Variants in WIPF1 observed in about 807,000 individuals in gnomAD.
The protein encoded by WIPF1 is WAS/WASL-interacting protein family member 1.
WIPF1 carries 13 observed loss-of-function variants against 35.4 expected under a neutral mutation model. The observed-to-expected ratio is 0.37, with a 90% CI of 0.24 to 0.58. WIPF1 has a LOEUF of 0.58. Among genes scored for constraint, WIPF1 ranks in the 20% least tolerant of loss-of-function variants. WIPF1 has a pLI of 0.74. For synonymous variants in WIPF1, 267 were observed against 266.3 expected, an observed-to-expected ratio of 1.00 and a Z score of -0.02; for missense variants, 591 against 667.0, an observed-to-expected ratio of 0.89 and a Z score of 1.25.
chr2:174,646,740 A>G (rs1687417381), intron 1 of WIPF1, among the ~76,000 whole-genome samples: 1 of 151,974 alleles, frequency 6.6e-6, no homozygotes. Flanking sequence ...CAGCCTCCTG[A>G]GTAGCTGGGA....
chr2:174,658,802 T>C (rs533105635), intron 1 of WIPF1, among the ~76,000 whole-genome samples: 38 of 151,722 alleles, frequency 2.5e-4, no homozygotes, highest in African/African-American at 8.2e-4. Context: ...AAGCCTTGTT[T>C]CTGCTTGAAA....
intron 1 of WIPF1, among the ~76,000 whole-genome samples, chr2:174,631,184 T>C (rs951307224): frequency 3.9e-5 from 6 of 152,160 alleles, no homozygotes; most frequent in Admixed American, 1.3e-4. Context: ...CATAGCAGCA[T>C]TAGTCACAAC....
intron 1 of WIPF1, among the ~76,000 whole-genome samples, chr2:174,627,591 A>T (rs1465570683): frequency 1.4e-5 from 2 of 141,558 alleles, no homozygotes; most frequent in African/African-American, 5.3e-5. Context: ...CCCAGGCTGG[A>T]GTGCAGTGGT....
chr2:174,670,552 G>A (rs898133596), intron 1 of WIPF1, among the ~76,000 whole-genome samples: 1 of 152,216 alleles, frequency 6.6e-6, no homozygotes, highest in Non-Finnish European at 1.5e-5. Flanking sequence ...CCAGTGTGTT[G>A]GTCCAGAATC....
At chr2:174,572,981 A>T (rs534243729) in intron 4 of WIPF1, among the ~76,000 whole-genome samples, 1 of 152,346 alleles carries the variant, frequency 6.6e-6, no homozygotes, top group East Asian at 1.9e-4. Context: ...GTAAGGGGAA[A>T]TTATAAGAAA....
At chr2:174,657,688 T>A (rs1687672401) in intron 1 of WIPF1, among the ~76,000 whole-genome samples, 1 of 151,276 alleles carries the variant, frequency 6.6e-6, no homozygotes, top group African/African-American at 2.4e-5. Flanking sequence ...AGGTCAGGAG[T>A]TTGAGACCAG....
chr2:174,599,710 G>A (rs114446356), upstream of WIPF1, among the ~76,000 whole-genome samples: 1,634 of 152,190 alleles, frequency 0.011, 27 homozygotes, highest in African/African-American at 0.037. Flanking sequence ...AAGAGAACAT[G>A]GGCGATATGA....
intron 1 of WIPF1, among the ~76,000 whole-genome samples, chr2:174,666,188 G>A (rs1234684586): frequency 1.3e-5 from 2 of 152,184 alleles, no homozygotes; most frequent in Non-Finnish European, 2.9e-5. Flanking sequence ...GCTGAGGCAG[G>A]AGGATTCCTT....
intron 1 of WIPF1, among the ~76,000 whole-genome samples, chr2:174,672,046 C>G (rs1464144756): frequency 6.6e-6 from 1 of 152,100 alleles, no homozygotes; most frequent in Non-Finnish European, 1.5e-5. Flanking sequence ...ATCATGGAAC[C>G]TGCCAATATA....
intron 1 of WIPF1, among the ~76,000 whole-genome samples, chr2:174,586,114 C>T (rs1355765453): frequency 6.6e-6 from 1 of 152,174 alleles, no homozygotes; most frequent in Non-Finnish European, 1.5e-5. Flanking sequence ...TCTAGTCCCG[C>T]CCTCAAAGTT....
intron 1 of WIPF1, among the ~76,000 whole-genome samples, chr2:174,617,794 T>C (rs535764024): frequency 6.6e-6 from 1 of 152,348 alleles, no homozygotes; most frequent in South Asian, 2.1e-4. Flanking sequence ...AGTTTAAATA[T>C]CGTATTGTAT....
intron 1 of WIPF1, among the ~76,000 whole-genome samples, chr2:174,680,459 G>C (rs1388202675): frequency 6.6e-6 from 1 of 152,338 alleles, no homozygotes; most frequent in Middle Eastern, 3.4e-3. Flanking sequence ...TGGAGGGAAG[G>C]CTTCAGGAAG....
In WIPF1 at chr2:174,586,316, C is replaced by G. The variant is rs530542991; in HGVS notation, c.-38-705G>C. 1.1e-4 allele frequency among the ~76,000 whole-genome samples: 16 copies of G among 152,260 alleles called. No individual in the cohort carries two copies. In the East Asian group the frequency reaches 2.9e-3, roughly 28 times the overall value. Reference sequence around the variant, plus strand: ...ACAGAGCGGGCATGAGAAGTCAGACCTAGGACTCCCAGGCTGTTTACCAGA... The same window carrying G: ...ACAGAGCGGGCATGAGAAGTCAGACGTAGGACTCCCAGGCTGTTTACCAGA... On this transcript the variant is annotated intron_variant, in intron 1 of 7. Transcript: ENST00000679041.
At chr2:174,662,038 C>T (rs1687771389) in intron 1 of WIPF1, among the ~76,000 whole-genome samples, 3 of 152,168 alleles carry the variant, frequency 2.0e-5, no homozygotes, top group Admixed American at 2.0e-4. Flanking sequence ...CCCAAGTTGA[C>T]AGAGTCATCC....
At chr2:174,595,588 G>T (rs1023645744) in intron 1 of WIPF1, among the ~76,000 whole-genome samples, 2 of 152,104 alleles carry the variant, frequency 1.3e-5, no homozygotes, top group Non-Finnish European at 2.9e-5. Flanking sequence ...AAAATAAGTG[G>T]TCAGTAAATA....
intron 7 of WIPF1, chr2:174,566,321 C>T (rs1024238354): frequency 6.6e-6 from 1 of 152,188 alleles, no homozygotes; most frequent in Non-Finnish European, 1.5e-5. Context: ...GTCTATTTTT[C>T]CTTTCTTGTT....
At chr2:174,577,964 G>T (rs1437888776) in intron 3 of WIPF1, among the ~76,000 whole-genome samples, 2 of 150,906 alleles carry the variant, frequency 1.3e-5, no homozygotes, top group Admixed American at 1.3e-4. Flanking sequence ...AATTATTCTT[G>T]TAACATCTGA....
At chr2:174,607,910 G>T (rs1245415688) in intron 1 of WIPF1, among the ~76,000 whole-genome samples, 2 of 152,178 alleles carry the variant, frequency 1.3e-5, no homozygotes, top group Non-Finnish European at 2.9e-5. Context: ...TCTAAGTTTA[G>T]TTCTAACTTT....
intron 1 of WIPF1, among the ~76,000 whole-genome samples, chr2:174,661,895 C>A (rs1035190078): frequency 2.6e-5 from 4 of 152,048 alleles, no homozygotes; most frequent in Admixed American, 6.6e-5. Flanking sequence ...GCCTTAAAGA[C>A]CAGAGGCAGG....
Sources: allele counts gnomAD v4.1 joint callset (sites outside exome capture counted in the v4.1 genomes callset), GRCh38; gene constraint gnomAD v4.1.1; transcripts MANE v1.5; gene names NCBI Gene and HGNC (gene_info 2026-07-23, HGNC 2026-07-21).